The following TRPC5 variants were observed in gnomAD, a reference collection of about 807,000 sequenced individuals.
TRPC5 encodes the protein short transient receptor potential channel 5.
Under a neutral mutation model 56.5 loss-of-function variants are expected in TRPC5, and 9 were observed. The ratio of observed to expected loss-of-function variants is 0.16; its 90% CI spans 0.10 to 0.28. The LOEUF (loss-of-function observed/expected upper bound fraction) is 0.28. Ranked by LOEUF, TRPC5 falls within the 10% of genes least tolerant of loss-of-function variation. TRPC5 has a pLI of 1.00. For missense variants in TRPC5, 469 were observed against 748.9 expected, an observed-to-expected ratio of 0.63 and a Z score of 4.36; for synonymous variants, 282 against 278.5, an observed-to-expected ratio of 1.01 and a Z score of -0.13.
At chrX:111,995,955 G>C (rs138966350) in intron 1 of TRPC5, among the ~76,000 whole-genome samples, 1,706 of 108,842 alleles carry the variant, frequency 0.016, 31 homozygotes, top group African/African-American at 0.053. Context: ...TTTTTTTGAA[G>C]GTTTTTTTTT....
At chrX:111,807,938 GTC>G (rs1171739056) in intron 7 of TRPC5, among the ~76,000 whole-genome samples, 76 of 98,020 alleles carry the variant, frequency 7.8e-4, no homozygotes, top group East Asian at 6.3e-3. Flanking sequence ...AACAAATGGA[GTC>G]TCTCTCTCTC....
intron 1 of TRPC5, among the ~76,000 whole-genome samples, chrX:111,970,777 T>A (rs1161941456): frequency 1.9e-5 from 2 of 104,216 alleles, no homozygotes; most frequent in African/African-American, 7.1e-5. Context: ...ACATTACCGT[T>A]TTTTTTTTTT....
At chrX:111,864,819 T>C (rs1041436982) in intron 3 of TRPC5, among the ~76,000 whole-genome samples, 2 of 112,029 alleles carry the variant, frequency 1.8e-5, no homozygotes, top group Non-Finnish European at 3.8e-5. Context: ...TTGTAGCTTT[T>C]GTGGAAGGGT....
chrX:111,782,806 A>AACACACACACACACACACACACACAC (rs1186498788), intron 7 of TRPC5, among the ~76,000 whole-genome samples: 5 of 92,118 alleles, frequency 5.4e-5, no homozygotes, highest in African/African-American at 2.1e-4. Context: ...CATTATAATC[A>AACACACACACACACACACACACACAC]ACACACACAC....
chrX:111,913,968 A>G (rs1482949153), intron 2 of TRPC5, among the ~76,000 whole-genome samples: 3 of 108,846 alleles, frequency 2.8e-5, no homozygotes, highest in Non-Finnish European at 5.7e-5. Context: ...TCAAAAAAAA[A>G]AAAAAAAAAA....
chrX:111,859,965 G>C (rs1569526701), intron 3 of TRPC5, among the ~76,000 whole-genome samples: 2 of 113,193 alleles, frequency 1.8e-5, no homozygotes, highest in Admixed American at 1.9e-4. Context: ...CTGGAGTGCA[G>C]GGGCGAGATC....
intron 1 of TRPC5, among the ~76,000 whole-genome samples, chrX:112,025,825 C>A (rs1929399245): frequency 9.0e-6 from 1 of 111,225 alleles, no homozygotes; most frequent in Non-Finnish European, 1.9e-5. Flanking sequence ...AGATATACCC[C>A]CTTTCTCACT....
At chrX:112,014,215 G>A (rs1335716863) in intron 1 of TRPC5, among the ~76,000 whole-genome samples, 2 of 111,925 alleles carry the variant, frequency 1.8e-5, no homozygotes, top group Non-Finnish European at 3.8e-5. Context: ...ACTTAACCTC[G>A]TTCCTCTTTA....
intron 2 of TRPC5, among the ~76,000 whole-genome samples, chrX:111,921,408 C>T (rs1339390835): frequency 9.1e-6 from 1 of 110,268 alleles, no homozygotes; most frequent in African/African-American, 3.3e-5. Context: ...AAATCTTTGT[C>T]ATGTTTACTT....
At chrX:111,956,990 C>CT (rs1927253539) in intron 1 of TRPC5, among the ~76,000 whole-genome samples, 1 of 112,136 alleles carries the variant, frequency 8.9e-6, no homozygotes. Context: ...CAAAGCTCCC[C>CT]TTTATTACAC....
intron 3 of TRPC5, among the ~76,000 whole-genome samples, chrX:111,889,327 T>G (rs1437013473): frequency 4.5e-5 from 5 of 111,936 alleles, no homozygotes; most frequent in African/African-American, 3.3e-5. Context: ...AAAAGTGTGT[T>G]TCAGGACATA....
intron 3 of TRPC5, among the ~76,000 whole-genome samples, chrX:111,899,784 C>G (rs1210522947): frequency 1.8e-5 from 2 of 111,460 alleles, no homozygotes; most frequent in African/African-American, 6.5e-5. Flanking sequence ...TGCCAAATTC[C>G]TTTCCTTGAT....
Position 111,952,091 on chromosome X carries a change from G to A in TRPC5, c.330C>T (p.Gly110=), listed in dbSNP as rs139867130. Residue 110 remains glycine (G), a synonymous_variant, in exon 2 of 11, where the codon GGC becomes GGT. Transcript: ENST00000262839. ...TGTAGCTGAGCAGAAGCTCCACAGC[G>A]CCCACCACTTCCTTGCGTATGGCAT... ...LLYAIRKEVV[G]AVELLLSYRR... 45 of 1,210,245 alleles carry A rather than the reference G, an allele frequency of 3.7e-5. No homozygotes were observed. The highest frequency in any genetic ancestry group is 2.3e-4 in the Middle Eastern group (1 of 4,358).
At chrX:112,062,334 G>A (rs1281459839) in intron 1 of TRPC5, among the ~76,000 whole-genome samples, 4 of 111,930 alleles carry the variant, frequency 3.6e-5, no homozygotes, top group East Asian at 2.8e-4. Context: ...GAAGCTTACA[G>A]TGTACTTGGG....
intron 3 of TRPC5, among the ~76,000 whole-genome samples, chrX:111,881,421 C>A (rs1349970002): frequency 1.8e-5 from 2 of 111,197 alleles, no homozygotes; most frequent in East Asian, 2.8e-4. Flanking sequence ...CATGATCCAC[C>A]TGCCTCGGCC....
At chrX:111,792,312 G>A (rs925881866) in intron 7 of TRPC5, among the ~76,000 whole-genome samples, 9 of 110,186 alleles carry the variant, frequency 8.2e-5, no homozygotes, top group Non-Finnish European at 1.7e-4. Context: ...TGTTGGGGTC[G>A]GGGGCAAGGG....
At chrX:111,940,050 C>T (rs1926723588) in intron 2 of TRPC5, among the ~76,000 whole-genome samples, 1 of 111,510 alleles carries the variant, frequency 9.0e-6, no homozygotes, top group Non-Finnish European at 1.9e-5. Context: ...GTAGTGCCTT[C>T]CTTGTATCCT....
At chrX:112,040,959 G>A (rs1929876204) in intron 1 of TRPC5, among the ~76,000 whole-genome samples, 1 of 112,402 alleles carries the variant, frequency 8.9e-6, no homozygotes, top group East Asian at 2.8e-4. Flanking sequence ...CACAGACAGA[G>A]TGTCTGGGGC....
At chrX:111,894,517 A>G (rs1924963648) in intron 3 of TRPC5, among the ~76,000 whole-genome samples, 1 of 111,509 alleles carries the variant, frequency 9.0e-6, no homozygotes, top group Admixed American at 9.5e-5. Flanking sequence ...TATCAATTAA[A>G]AACTCGGCCT....
Sources: gnomAD v4.1 joint callset for allele counts (sites outside exome capture counted in the v4.1 genomes callset) on GRCh38, gnomAD v4.1.1 for gene constraint, MANE v1.5 for transcripts, NCBI Gene and HGNC (gene_info 2026-07-23, HGNC 2026-07-21) for gene names.